Variants in RAPGEF3 observed in about 807,000 individuals in gnomAD.
RAPGEF3 encodes Rap guanine nucleotide exchange factor 3.
RAPGEF3 carries 103 observed loss-of-function variants against 129.8 expected under a neutral mutation model. The ratio of observed to expected loss-of-function variants is 0.79; its 90% CI spans 0.68 to 0.93. The LOEUF is 0.93. Ranked by LOEUF, RAPGEF3 falls within the 40% of genes least tolerant of loss-of-function variation. RAPGEF3 has a pLI of 0.00. For missense variants in RAPGEF3, 1,117 were observed against 1,207.4 expected, an observed-to-expected ratio of 0.93 and a Z score of 1.11; for synonymous variants, 436 against 482.6, an observed-to-expected ratio of 0.90 and a Z score of 1.26.
intron 12 of RAPGEF3, 110 bp downstream of exon 12, chr12:47,748,344 C>T: frequency 8.9e-7 from 1 of 1,122,946 alleles, no homozygotes; most frequent in Non-Finnish European, 1.3e-6. Context: ...AACTTCTGTA[C>T]AGACCAATCC....
chr12:47,757,425 C>T (rs547880409), intron 2 of RAPGEF3, among the ~76,000 whole-genome samples: 78 of 152,222 alleles, frequency 5.1e-4, no homozygotes, highest in Middle Eastern at 6.8e-3. Flanking sequence ...AAGACCAAAA[C>T]GCAGAATTAG....
Position 47,743,661 on chromosome 12 carries a change from C to A in RAPGEF3, c.1694G>T (p.Cys565Phe), listed in dbSNP as rs756270848. 8.1e-6 allele frequency: 13 copies of A among 1,609,392 alleles called. No homozygotes were observed. The highest frequency in any genetic ancestry group is 8.5e-7 in the Non-Finnish European group (1 of 1,176,294). The change falls in exon 18 of 28, where the codon TGC becomes TTC. Residue 565 changes from cysteine to phenylalanine, a missense_variant. Cys to Phe is a radical substitution (Grantham distance 205, BLOSUM62 -2). Transcript: ENST00000449771. Reference sequence around the variant, plus strand: ...GGTCAACACTGAGTGGTCTGGCCGGCAGATGTCATAGGGGACTGAAGAGGA... The same window carrying A: ...GGTCAACACTGAGTGGTCTGGCCGGAAGATGTCATAGGGGACTGAAGAGGA... The part of the protein sequence containing the change: ...QVGDKVPYDI[C>F]RPDHSVLTLQ...
Position 47,748,570 on chromosome 12 carries a change from T to C in RAPGEF3, c.1155-28A>G, listed in dbSNP as rs200717264. 1,314 of 1,548,012 alleles carry C rather than the reference T, an allele frequency of 8.5e-4. 5 individuals carry two copies. Among genetic ancestry groups the C allele is most frequent in the Non-Finnish European group, 1.0e-3 (1,118 of 1,121,514 alleles). On this transcript the variant is annotated intron_variant, in intron 11 of 27. Transcript: ENST00000449771. ...AGCAGAAATGGCCAATCTTTGGCAC[T>C]GGTGCCACTACTCCCCACTCCCACA...
chr12:47,751,545 C>A (rs1941748038), intron 4 of RAPGEF3, 25 bp from the exon 5 acceptor site: 1 of 1,613,512 alleles, frequency 6.2e-7, no homozygotes, highest in Non-Finnish European at 8.5e-7. Flanking sequence ...AGGGGACAGG[C>A]CAGTGGAAGG....
rs2136758997 is a variant in RAPGEF3 at position 47,744,051 on chromosome 12, A to G, written c.1614T>C (p.Val538=). The G allele has an allele frequency of 1.2e-6, 2 of 1,608,402 alleles. No homozygotes were observed. The highest frequency in any genetic ancestry group is 4.5e-5 in the East Asian group (2 of 44,844). ...SPQMKARNLP[V]WLPNQDEPLP... is the part of the protein sequence containing the mutation. ...GGGGCTCGTCCTGGTTGGGGAGCCA[A>G]ACAGGCAAGTTCCGGGCCTGGGAGG... The change falls in exon 17 of 28, where the codon GTT becomes GTC. Residue 538 remains valine, a synonymous_variant. Coordinates refer to ENST00000449771, the MANE Select transcript of RAPGEF3 (RefSeq NM_001098531.4).
Position 47,743,998 on chromosome 12 carries a change from A to G in RAPGEF3, c.1667T>C (p.Val556Ala). 6.2e-7 allele frequency: 1 copy of G among 1,607,440 alleles called. No homozygotes were observed. Among genetic ancestry groups the G allele is most frequent in the Non-Finnish European group, 8.5e-7 (1 of 1,174,086 alleles). ...CACAGACCACCAACCTTTATCCCCA[A>G]CTTGGATGGCACAGCTGCTGCCAGG... is the stretch of plus-strand genomic sequence containing the variant. ...PLPGSSCAIQ[V>A]GDKVPYDICR... The change falls in exon 17 of 28, where the codon GTT becomes GCT. Residue 556 changes from valine (V) to alanine (A), a missense_variant. This residue lies in a region of RAPGEF3 where 643 missense variants were observed against 673.4 expected (regional missense o/e 0.95). Transcript: ENST00000449771.
intron 2 of RAPGEF3, 99 bp downstream of exon 2, chr12:47,757,767 A>G (rs1942170239): frequency 8.3e-7 from 1 of 1,211,464 alleles, no homozygotes; most frequent in East Asian, 2.6e-5. Context: ...GTACACCCCC[A>G]GAGCAAGCTG....
At position 47,735,560 on chromosome 12, in the gene RAPGEF3, C is replaced by T. The variant is rs548506609; in HGVS notation, c.*2007G>A. ...GGTCTCTCCCAACAGGCTCAAAAGC[C>T]ATCCTGCCCGAGACTGGGGCAGCTG... On this transcript the variant is annotated 3_prime_UTR_variant, in exon 28 of 28. Transcript: ENST00000449771. The T allele has an allele frequency of 6.6e-6, 1 of 152,560 alleles. No individual in the cohort carries two copies. Among genetic ancestry groups the T allele is most frequent in the Non-Finnish European group, 1.5e-5 (1 of 68,238 alleles). 9.5% of individuals were successfully genotyped at this position (152,560 alleles called of 1,614,324 possible). A position where few individuals can be genotyped will look rare whatever the true frequency, so the allele number is the denominator to read the frequency against.
chr12:47,736,806 T>C lies in RAPGEF3; in HGVS notation c.*761A>G, dbSNP rs1236261538. The C allele has an allele frequency of 6.6e-6, 1 of 152,298 alleles. No homozygotes were observed. The highest frequency in any genetic ancestry group is 2.4e-5 in the African/African-American group (1 of 41,454). The allele number at this position is 152,298 out of a possible 1,614,324, so 9.4% of individuals were successfully genotyped here. A position where few individuals can be genotyped will look rare whatever the true frequency, so the allele number is the denominator to read the frequency against. ...CTATTGGACCACCACGGGGAGCTGA[T>C]GGTCACCCTGGCTGGCTGCTGACAG... On this transcript the variant is annotated 3_prime_UTR_variant, in exon 28 of 28. Coordinates refer to ENST00000449771, the MANE Select transcript of RAPGEF3 (RefSeq NM_001098531.4).
rs188866478 is a variant in RAPGEF3, at chr12:47,746,358, C to G, written c.1596+502G>C. The G allele has an allele frequency of 5.0e-5, 21 of 417,056 alleles. 1 individual carries two copies. In the Admixed American group the frequency reaches 1.0e-3, roughly 20 times the overall value. The allele number at this position is 417,056 out of a possible 1,614,324, so 25.8% of individuals were successfully genotyped here. ...CCCACCACCAACCTAATCTACCTTTCCAGTTCTTTCTCCCACCATTCCTCA... is the reference window on the plus strand; with the variant it reads ...CCCACCACCAACCTAATCTACCTTTGCAGTTCTTTCTCCCACCATTCCTCA... On this transcript the variant is annotated intron_variant, in intron 16 of 27. Transcript: ENST00000449771.
Position 47,747,737 on chromosome 12 carries a change from T to C in RAPGEF3, c.1448A>G (p.Asp483Gly), listed in dbSNP as rs1323209897. 3 of 1,610,332 alleles carry C rather than the reference T, an allele frequency of 1.9e-6. No homozygotes were observed. Among genetic ancestry groups the C allele is most frequent in the East Asian group, 2.2e-5 (1 of 44,886 alleles). The change falls in exon 14 of 28, where the codon GAC (aspartate) becomes GGC (glycine). Residue 483 changes from aspartate to glycine, a missense_variant. Coordinates refer to ENST00000449771, the MANE Select transcript of RAPGEF3 (RefSeq NM_001098531.4). ...VALYGSMLHT[D>G]PVATSFLQKL... ...CTGGAGGAAGCTGGTGGCCACAGGG[T>C]CAGTGTGGAGCATGGAGCCATACAG...
intron 23 of RAPGEF3, 30 bp from the exon 24 acceptor site, chr12:47,739,260 G>T: frequency 6.5e-7 from 1 of 1,541,098 alleles, no homozygotes; most frequent in Non-Finnish European, 9.0e-7. Flanking sequence ...TGAGGGGGTT[G>T]CACACACCAT....
In RAPGEF3 at chr12:47,741,501, C is replaced by T. The variant is rs373767716; in HGVS notation, c.1923+4G>A. 13 of 1,613,476 alleles carry T rather than the reference C, an allele frequency of 8.1e-6. No individual in the cohort carries two copies. In the East Asian group the frequency reaches 1.8e-4, roughly 22 times the overall value. On this transcript the variant is annotated splice_donor_region_variant and intron_variant, in intron 19 of 27. Transcript: ENST00000449771. ...TGGGCCCTGGCACCCTGCCTGGTCC[C>T]TACCAGCTCATGCACTTCCTGTGGG...
Position 47,744,076 on chromosome 12 carries a change from G to A in RAPGEF3, c.1597-8C>T, listed in dbSNP as rs759663415. On this transcript the variant is annotated splice_region_variant and splice_polypyrimidine_tract_variant and intron_variant, in intron 16 of 27. Transcript: ENST00000449771. ...AACAGGCAAGTTCCGGGCCTGGGAG[G>A]AAGAGGAACGAGAAAATAAGGCTGG... The A allele has an allele frequency of 1.2e-5, 19 of 1,579,030 alleles. No homozygotes were observed. In the Admixed American group the frequency reaches 3.0e-4, roughly 25 times the overall value.
rs138607493 is a variant in RAPGEF3, at chr12:47,744,032, C to T, written c.1633G>A (p.Glu545Lys). 3.1e-6 allele frequency: 5 copies of T among 1,612,164 alleles called. No homozygotes were observed. The highest frequency in any genetic ancestry group is 2.2e-5 in the East Asian group (1 of 44,882). Residue 545 changes from glutamate to lysine, a missense_variant, in exon 17 of 28, where the codon GAG becomes AAG. Glu to Lys is a moderately conservative substitution (Grantham distance 56). Around this residue, in one of 3 missense-constraint regions of RAPGEF3, gnomAD observed 643 missense variants for 673.4 expected, o/e 0.95. Transcript: ENST00000449771. ...NLPVWLPNQD[E>K]PLPGSSCAIQ... ...GCACAGCTGCTGCCAGGAAGGGGCT[C>T]GTCCTGGTTGGGGAGCCAAACAGGC...
At chr12:47,744,565 C>T (rs938794751) in intron 16 of RAPGEF3, 9 of 170,506 alleles carry the variant, frequency 5.3e-5, no homozygotes, top group Admixed American at 3.3e-4. Context: ...AGTTGGAATC[C>T]CTCCTGCTCC....
chr12:47,749,803 C>G lies in RAPGEF3; in HGVS notation c.832G>C (p.Asp278His). ...ATAATGTACCACGAAGTGCCCTTGT[C>G]CCCCTGGCTGAACACTGACAGAAGC... The part of the protein sequence containing the change: ...KAGTVLFSQG[D>H]KGTSWYIIWK... The change falls in exon 9 of 28, where the codon GAC becomes CAC. Residue 278 changes from aspartate (D) to histidine (H), a missense_variant. Coordinates refer to ENST00000449771, the MANE Select transcript of RAPGEF3 (RefSeq NM_001098531.4). This position sits in a 1 kb window ranked among gnomAD's most constrained non-coding sequence, Gnocchi z 4.5. 1 of 1,614,204 alleles carries G rather than the reference C, an allele frequency of 6.2e-7. No individual in the cohort carries two copies. The highest frequency in any genetic ancestry group is 8.5e-7 in the Non-Finnish European group (1 of 1,180,040).
At chr12:47,738,329 C>T in intron 25 of RAPGEF3, 82 bp from the exon 26 acceptor site, 1 of 1,547,642 alleles carries the variant, frequency 6.5e-7, no homozygotes, top group Non-Finnish European at 8.8e-7. Context: ...AGGCCAAGCT[C>T]CCTCTGAACC....
chr12:47,736,004 A>T lies in RAPGEF3; in HGVS notation c.*1563T>A, dbSNP rs897301348. Reference sequence around the variant, plus strand: ...TCTCCCTCAGCCCTCAACTGAGGCGAGGCTGCCCCCCTACCAGGCCTGGAT... The same window carrying T: ...TCTCCCTCAGCCCTCAACTGAGGCGTGGCTGCCCCCCTACCAGGCCTGGAT... On this transcript the variant is annotated 3_prime_UTR_variant, in exon 28 of 28. Coordinates refer to ENST00000449771, the MANE Select transcript of RAPGEF3 (RefSeq NM_001098531.4). 6.6e-6 allele frequency: 1 copy of T among 152,250 alleles called. No individual in the cohort carries two copies. The highest frequency in any genetic ancestry group is 2.1e-4 in the South Asian group (1 of 4,832). 9.4% of individuals were successfully genotyped at this position (152,250 alleles called of 1,614,324 possible).
Sources: gnomAD v4.1 joint callset for allele counts (sites outside exome capture counted in the v4.1 genomes callset) on GRCh38, gnomAD v4.1.1 for gene constraint, gnomAD v4.1.1 regional missense constraint, Gnocchi (gnomAD v3.1) non-coding constraint, MANE v1.5 for transcripts, NCBI Gene and HGNC (gene_info 2026-07-23, HGNC 2026-07-21) for gene names.